The following TSC22D4 variants were observed in gnomAD, a reference collection of about 807,000 sequenced individuals.
The protein encoded by TSC22D4 is TSC22 domain family protein 4.
TSC22D4 carries 5 observed loss-of-function variants against 24.9 expected under a neutral mutation model. That is an observed-to-expected ratio of 0.20 (90% CI 0.10 to 0.42). TSC22D4 has a LOEUF of 0.42. Among genes scored for constraint, TSC22D4 ranks in the 10% least tolerant of loss-of-function variants. TSC22D4 has a pLI of 1.00. For missense variants in TSC22D4, 469 were observed against 547.9 expected (o/e 0.86, Z 1.44); for synonymous variants, 245 against 243.2 (o/e 1.01, Z -0.07).
At chr7:100,473,596 C>G (rs1428068121) in intron 3 of TSC22D4, among the ~76,000 whole-genome samples, 1 of 151,804 alleles carries the variant, frequency 6.6e-6, no homozygotes, top group African/African-American at 2.4e-5. Context: ...CACGTACCAC[C>G]ACGCCTGGCT....
At position 100,467,091 on chromosome 7, in the gene TSC22D4, C is replaced by G; in HGVS notation, c.1056G>C (p.Ala352=). 6.2e-7 allele frequency: 1 copy of G among 1,614,100 alleles called. No homozygotes were observed. Among genetic ancestry groups the G allele is most frequent in the Non-Finnish European group, 8.5e-7 (1 of 1,180,000 alleles). The change falls in exon 5 of 5, where the codon GCG becomes GCC. Residue 352 remains alanine, a synonymous_variant. Coordinates refer to ENST00000300181, the MANE Select transcript of TSC22D4 (RefSeq NM_030935.5). ...EVLKEQIREL[A]ERNAALEQEN... ...CCTGCTCCAGCGCAGCGTTCCGCTC[C>G]GCCAATTCCCGGATCTGCTCCTTCA...
intron 2 of TSC22D4, among the ~76,000 whole-genome samples, chr7:100,475,695 A>G (rs1268331413): frequency 7.2e-6 from 1 of 139,294 alleles, no homozygotes; most frequent in East Asian, 2.1e-4. Flanking sequence ...CTGGTTGTGG[A>G]GCTGGGGGGA....
intron 3 of TSC22D4, among the ~76,000 whole-genome samples, chr7:100,472,047 C>T (rs941044186): frequency 1.3e-5 from 2 of 151,940 alleles, no homozygotes; most frequent in Non-Finnish European, 2.9e-5. Context: ...CCCTGGGGCA[C>T]GTGAGCATTC....
In TSC22D4 at chr7:100,478,127, A is replaced by G. The variant is rs1799544964; in HGVS notation, c.-89T>C. On this transcript the variant is annotated 5_prime_UTR_variant, in exon 2 of 5. An upstream start codon of the reference 5' UTR is lost. Coordinates refer to ENST00000300181, the MANE Select transcript of TSC22D4 (RefSeq NM_030935.5). ...GGCACCCCTGGAACAAGGGGGCCACATGGCGGGGACATCCGAGCCCCTGGG... is the reference window on the plus strand; with the variant it reads ...GGCACCCCTGGAACAAGGGGGCCACGTGGCGGGGACATCCGAGCCCCTGGG... 1.8e-6 allele frequency: 2 copies of G among 1,083,804 alleles called. No homozygotes were observed. The highest frequency in any genetic ancestry group is 1.6e-5 in the African/African-American group (1 of 61,308). 67.1% of individuals were successfully genotyped at this position (1,083,804 alleles called of 1,614,324 possible).
chr7:100,467,977 A>C, intron 3 of TSC22D4: 8 of 486,412 alleles, frequency 1.6e-5, no homozygotes, highest in Non-Finnish European at 3.4e-5. Flanking sequence ...CACCCCCCCA[A>C]TGGAGAGGGA....
rs1470730268 is a variant in TSC22D4 at position 100,467,265 on chromosome 7, C to T, written c.979-97G>A. 2.3e-6 allele frequency: 3 copies of T among 1,308,752 alleles called. No individual in the cohort carries two copies. The African/African-American group carries it at 4.4e-5, about 19-fold the overall frequency. The allele number at this position is 1,308,752 out of a possible 1,614,324, so 81.1% of individuals were successfully genotyped here. A position where few individuals can be genotyped will look rare whatever the true frequency, so the allele number is the denominator to read the frequency against. On this transcript the variant is annotated intron_variant, in intron 4 of 4. Transcript: ENST00000300181. ...GGGGTGGGAGACAGTCCCCAGTGTCCAGAGGATGAGGGACAAAGCAGGGAA... is the reference window on the plus strand; with the variant it reads ...GGGGTGGGAGACAGTCCCCAGTGTCTAGAGGATGAGGGACAAAGCAGGGAA...
In TSC22D4 at chr7:100,466,837, A is replaced by G. The variant is rs1034183497; in HGVS notation, c.*122T>C. 3.1e-6 allele frequency: 3 copies of G among 974,732 alleles called. No homozygotes were observed. The highest frequency in any genetic ancestry group is 4.5e-6 in the Non-Finnish European group (3 of 666,344). The allele number at this position is 974,732 out of a possible 1,614,324, so 60.4% of individuals were successfully genotyped here. ...GGGGCAGGGGCCGGGGGACCAGGCC[A>G]TTACTGAGCCTTGAACTCCCACCCC... On this transcript the variant is annotated 3_prime_UTR_variant, in exon 5 of 5. Coordinates refer to ENST00000300181, the MANE Select transcript of TSC22D4 (RefSeq NM_030935.5).
chr7:100,478,145 C>A lies in TSC22D4; in HGVS notation c.-107G>T, dbSNP rs1799545796. ...GGGCCACATGGCGGGGACATCCGAGCCCCTGGGGACGTCTGGGTCCGACAT... is the reference window on the plus strand; with the variant it reads ...GGGCCACATGGCGGGGACATCCGAGACCCTGGGGACGTCTGGGTCCGACAT... On this transcript the variant is annotated 5_prime_UTR_variant, in exon 2 of 5. Coordinates refer to ENST00000300181, the MANE Select transcript of TSC22D4 (RefSeq NM_030935.5). The A allele has an allele frequency of 1.0e-6, 1 of 1,001,624 alleles. No individual in the cohort carries two copies. The highest frequency in any genetic ancestry group is 1.4e-6 in the Non-Finnish European group (1 of 699,380). 62.0% of individuals were successfully genotyped at this position (1,001,624 alleles called of 1,614,324 possible).
Position 100,466,985 on chromosome 7 carries a change from G to A in TSC22D4, c.1162C>T (p.Pro388Ser), listed in dbSNP as rs1310739575. Residue 388 changes from proline to serine, a missense_variant, in exon 5 of 5, where the codon CCT becomes TCT. Transcript: ENST00000300181. Reference protein sequence around the residue: ...PSSGVPRLGPPAPNGPSV With the variant: ...PSSGVPRLGPSAPNGPSV Reference sequence around the variant, plus strand: ...CAGACGGAGGGCCCATTGGGCGCAGGGGGCCCAAGCCGTGGGACCCCCGAG... The same window carrying A: ...CAGACGGAGGGCCCATTGGGCGCAGAGGGCCCAAGCCGTGGGACCCCCGAG... 4 of 1,588,998 alleles carry A rather than the reference G, an allele frequency of 2.5e-6. No individual in the cohort carries two copies. Among genetic ancestry groups the A allele is most frequent in the Middle Eastern group, 3.7e-4 (2 of 5,448 alleles).
chr7:100,478,106 C>T lies in TSC22D4; in HGVS notation c.-68G>A. Reference sequence around the variant, plus strand: ...GGGGCTCCTTGAAGGGGCTCAGGCACCCCTGGAACAAGGGGGCCACATGGC... The same window carrying T: ...GGGGCTCCTTGAAGGGGCTCAGGCATCCCTGGAACAAGGGGGCCACATGGC... On this transcript the variant is annotated 5_prime_UTR_variant, in exon 2 of 5. In the 5' UTR this introduces an upstream ATG that the reference lacks. Coordinates refer to ENST00000300181, the MANE Select transcript of TSC22D4 (RefSeq NM_030935.5). 1 of 1,376,940 alleles carries T rather than the reference C, an allele frequency of 7.3e-7. No homozygotes were observed. 85.3% of individuals were successfully genotyped at this position (1,376,940 alleles called of 1,614,324 possible). A position where few individuals can be genotyped will look rare whatever the true frequency, so the allele number is the denominator to read the frequency against.
intron 1 of TSC22D4, 33 bp downstream of exon 1, chr7:100,478,760 AC>A (rs1799565300): frequency 6.6e-6 from 1 of 151,806 alleles, no homozygotes; most frequent in Non-Finnish European, 1.5e-5. Context: ...CTGCCCGGCT[AC>A]CCCCCAGCGC....
chr7:100,473,993 G>T, intron 3 of TSC22D4: 2 of 367,422 alleles, frequency 5.4e-6, no homozygotes. Flanking sequence ...AAATCTGCAA[G>T]AGCTCTGGAA....
Position 100,477,829 on chromosome 7 carries a change from G to T in TSC22D4, c.210C>A (p.Ser70=). Reference sequence around the variant, plus strand: ...GGGGCAGCTTCACCACCCGGAAACGGGAGGAAGGGGCCCCAGGTGGTGGGG... The same window carrying T: ...GGGGCAGCTTCACCACCCGGAAACGTGAGGAAGGGGCCCCAGGTGGTGGGG... ...NGSPPPGAPS[S]RFRVVKLPHG... is the part of the protein sequence containing the mutation. The change falls in exon 2 of 5, where the codon TCC becomes TCA. Residue 70 remains serine (S), a synonymous_variant. Coordinates refer to ENST00000300181, the MANE Select transcript of TSC22D4 (RefSeq NM_030935.5). This position sits in a 1 kb window ranked among gnomAD's most constrained non-coding sequence, Gnocchi z 7.8. 6.2e-7 allele frequency: 1 copy of T among 1,604,418 alleles called. No individual in the cohort carries two copies.
chr7:100,475,724 A>G (rs1584351891), intron 2 of TSC22D4, among the ~76,000 whole-genome samples: 1 of 145,726 alleles, frequency 6.9e-6, no homozygotes, highest in African/African-American at 2.6e-5. Flanking sequence ...CTGGGCGTGG[A>G]CCTGCATAGC....
chr7:100,476,249 G>A (rs1444304121), intron 2 of TSC22D4, among the ~76,000 whole-genome samples: 1 of 142,282 alleles, frequency 7.0e-6, no homozygotes, highest in Non-Finnish European at 1.5e-5. Flanking sequence ...GGGGGGGTAG[G>A]AGGGGGCATC....
intron 3 of TSC22D4, chr7:100,473,991 A>C: frequency 2.8e-6 from 1 of 357,600 alleles, no homozygotes. Context: ...CTAAATCTGC[A>C]AGAGCTCTGG....
Position 100,477,734 on chromosome 7 carries a change from G to T in TSC22D4, c.305C>A (p.Pro102His), listed in dbSNP as rs780846298. The T allele has an allele frequency of 1.2e-6, 2 of 1,602,564 alleles. No individual in the cohort carries two copies. Among genetic ancestry groups the T allele is most frequent in the Non-Finnish European group, 1.7e-6 (2 of 1,179,614 alleles). Residue 102 changes from proline (P) to histidine (H), a missense_variant, in exon 2 of 5, where the codon CCC (proline) becomes CAC (histidine). By Grantham distance (77) the Pro-to-His change is moderately conservative (BLOSUM62 -2). Transcript: ENST00000300181. This position sits in a 1 kb window ranked among gnomAD's most constrained non-coding sequence, Gnocchi z 7.8. Reference sequence around the variant, plus strand: ...CTCCAGGAGTCCGCCGAAGCTGTGGGGCTCCAGGTCTCGCTCATAAACATC... The same window carrying T: ...CTCCAGGAGTCCGCCGAAGCTGTGGTGCTCCAGGTCTCGCTCATAAACATC... Reference protein sequence around the residue: ...CVDVYERDLEPHSFGGLLEGI... With the variant: ...CVDVYERDLEHHSFGGLLEGI...
intron 2 of TSC22D4, among the ~76,000 whole-genome samples, chr7:100,476,565 A>G (rs1389850265): frequency 1.3e-5 from 2 of 152,178 alleles, no homozygotes; most frequent in African/African-American, 4.8e-5. Context: ...AAGGAGAAAG[A>G]GTATGGGACT....
intron 2 of TSC22D4, among the ~76,000 whole-genome samples, chr7:100,475,427 C>T (rs1030999459): frequency 5.3e-5 from 8 of 152,176 alleles, no homozygotes; most frequent in Non-Finnish European, 1.0e-4. Context: ...CTTAGAGAGG[C>T]ATTTCCCCAT....
Sources: allele counts gnomAD v4.1 joint callset (sites outside exome capture counted in the v4.1 genomes callset), GRCh38; gene constraint gnomAD v4.1.1; non-coding constraint Gnocchi (gnomAD v3.1); transcripts MANE v1.5; gene names NCBI Gene and HGNC (gene_info 2026-07-23, HGNC 2026-07-21).